Variants in NCAPG2 observed in about 807,000 individuals in gnomAD.
NCAPG2 encodes the protein non-SMC condensin II complex subunit G2, also known as condensin-2 complex subunit G2.
A neutral mutation model predicts 141.1 loss-of-function variants in NCAPG2; 53 were observed. That is an observed-to-expected ratio of 0.38 (90% CI 0.30 to 0.47). The LOEUF is 0.47. Among genes scored for constraint, NCAPG2 ranks in the 20% least tolerant of loss-of-function variants. NCAPG2 has a pLI of 0.99. For missense variants in NCAPG2, 1,087 were observed against 1,389.0 expected (o/e 0.78, Z 3.46); for synonymous variants, 499 against 490.7 (o/e 1.02, Z -0.22).
intron 2 of NCAPG2, among the ~76,000 whole-genome samples, chr7:158,693,826 G>A (rs1264889844): frequency 6.6e-6 from 1 of 152,124 alleles, no homozygotes; most frequent in East Asian, 1.9e-4. Context: ...TAATACTGTG[G>A]CCACAGATTC....
rs755725541 is a variant in NCAPG2 at position 158,631,660 on chromosome 7, G to A, written c.*6C>T. The A allele has an allele frequency of 3.8e-6, 6 of 1,583,502 alleles. No homozygotes were observed. Among genetic ancestry groups the A allele is most frequent in the East Asian group, 4.5e-5 (2 of 44,678 alleles). On this transcript the variant is annotated 3_prime_UTR_variant, in exon 28 of 28. Transcript: ENST00000356309. ...TATTTTTACATGTCTGGAGATGTTG[G>A]CTTGGTTATGAATTCAAAAGTTCTC...
At chr7:158,656,728 C>T (rs575172080) in intron 17 of NCAPG2, 23 bp from the exon 18 acceptor site, 12 of 1,609,912 alleles carry the variant, frequency 7.5e-6, no homozygotes, top group South Asian at 6.6e-5. Context: ...GACGGAAAAT[C>T]GGACTGAGTA....
intron 2 of NCAPG2, among the ~76,000 whole-genome samples, chr7:158,696,909 T>C (rs573531817): frequency 1.5e-4 from 23 of 152,326 alleles, no homozygotes; most frequent in African/African-American, 5.5e-4. Context: ...AAACCACATA[T>C]ATGAGAGTGG....
At chr7:158,660,563 C>T (rs1259770560) in intron 16 of NCAPG2, among the ~76,000 whole-genome samples, 1 of 151,946 alleles carries the variant, frequency 6.6e-6, no homozygotes, top group Non-Finnish European at 1.5e-5. Context: ...CCAAAAGGCA[C>T]AGGCCATCAA....
chr7:158,647,891 C>T (rs1438706929), intron 24 of NCAPG2, among the ~76,000 whole-genome samples: 2 of 152,036 alleles, frequency 1.3e-5, no homozygotes, highest in Admixed American at 6.6e-5. Flanking sequence ...CACCATGTTG[C>T]CTAGGTTGGC....
Position 158,662,355 on chromosome 7 carries a change from T to C in NCAPG2, c.1828A>G (p.Thr610Ala), listed in dbSNP as rs754764148. The change falls in exon 16 of 28, where the codon ACA becomes GCA. Residue 610 changes from threonine (T) to alanine (A), a missense_variant. By Grantham distance (58) the Thr-to-Ala change is moderately conservative. Coordinates refer to ENST00000356309, the MANE Select transcript of NCAPG2 (RefSeq NM_017760.7). ...EKENVTVLDK[T>A]LSVNDVACMA... The stretch of plus-strand genomic sequence containing the variant: ...CATGCAACATCGTTTACTGACAGTG[T>C]TTTGTCCAGAACCTAAGATAAAAAT... 1 of 1,580,798 alleles carries C rather than the reference T, an allele frequency of 6.3e-7. No homozygotes were observed. Among genetic ancestry groups the C allele is most frequent in the Non-Finnish European group, 8.6e-7 (1 of 1,165,384 alleles).
chr7:158,636,164 T>G (rs535920307), intron 27 of NCAPG2, among the ~76,000 whole-genome samples: 4 of 152,260 alleles, frequency 2.6e-5, no homozygotes, highest in South Asian at 2.1e-4. Flanking sequence ...AACAAAACGC[T>G]CCATCCCCAG....
intron 2 of NCAPG2, 87 bp from the exon 3 acceptor site, chr7:158,693,584 G>C: frequency 7.8e-6 from 9 of 1,158,818 alleles, no homozygotes; most frequent in East Asian, 2.5e-5. Flanking sequence ...AAAGTTAAGT[G>C]TTAACTTCAT....
intron 2 of NCAPG2, among the ~76,000 whole-genome samples, chr7:158,695,889 C>A (rs762721068): frequency 6.6e-6 from 1 of 152,234 alleles, no homozygotes; most frequent in South Asian, 2.1e-4. Flanking sequence ...CTGTACAGAG[C>A]GCACCAGGAT....
Position 158,664,684 on chromosome 7 carries a change from G to T in NCAPG2, c.1546C>A (p.Arg516=). The T allele has an allele frequency of 1.2e-6, 2 of 1,614,140 alleles. No individual in the cohort carries two copies. Among genetic ancestry groups the T allele is most frequent in the Non-Finnish European group, 1.7e-6 (2 of 1,180,026 alleles). Residue 516 remains arginine (R), a synonymous_variant, in exon 14 of 28, where the codon CGG becomes AGG. Coordinates refer to ENST00000356309, the MANE Select transcript of NCAPG2 (RefSeq NM_017760.7). ...TTAAAGATGAGGCTCACCAGGCGCC[G>T]AGACACAGGTCGAGAATCAGTTTCC... ...RLETDSRPVS[R]RLVSLIFNSF... is the part of the protein sequence containing the mutation.
At chr7:158,653,569 C>T (rs1451200316) in intron 22 of NCAPG2, among the ~76,000 whole-genome samples, 2 of 152,046 alleles carry the variant, frequency 1.3e-5, no homozygotes, top group Non-Finnish European at 2.9e-5. Flanking sequence ...TCAGTTGCAA[C>T]GTCATGAAGA....
chr7:158,678,180 A>C (rs1416110346), intron 11 of NCAPG2, among the ~76,000 whole-genome samples: 2 of 152,186 alleles, frequency 1.3e-5, no homozygotes, highest in Non-Finnish European at 1.5e-5. Context: ...GCATGAGAGA[A>C]CAGTTAAGGT....
At chr7:158,640,990 C>G (rs1830605185) in intron 27 of NCAPG2, 1 of 151,862 alleles carries the variant, frequency 6.6e-6, no homozygotes, top group South Asian at 2.1e-4. Flanking sequence ...ACCACCCTAC[C>G]TGCAAAGTGG....
intron 24 of NCAPG2, among the ~76,000 whole-genome samples, chr7:158,647,054 G>C (rs984420509): frequency 6.6e-6 from 1 of 151,420 alleles, no homozygotes; most frequent in Non-Finnish European, 1.5e-5. Context: ...AAAGATAAAC[G>C]AAAGTGTTTA....
chr7:158,685,677 T>C (rs774196206), intron 8 of NCAPG2, among the ~76,000 whole-genome samples: 50 of 152,158 alleles, frequency 3.3e-4, no homozygotes, highest in Non-Finnish European at 5.4e-4. Flanking sequence ...ACATGTTAAG[T>C]ACAATGCATT....
intron 19 of NCAPG2, among the ~76,000 whole-genome samples, chr7:158,655,880 T>C (rs1276877077): frequency 6.6e-6 from 1 of 152,192 alleles, no homozygotes; most frequent in Non-Finnish European, 1.5e-5. Context: ...CATGATGGGT[T>C]CCCAGGAAAT....
At chr7:158,655,727 C>T (rs1831900521) in intron 19 of NCAPG2, among the ~76,000 whole-genome samples, 1 of 152,308 alleles carries the variant, frequency 6.6e-6, no homozygotes, top group Non-Finnish European at 1.5e-5. Flanking sequence ...TGACCAGGCC[C>T]CGTCCTCCCC....
intron 22 of NCAPG2, among the ~76,000 whole-genome samples, chr7:158,653,369 A>G (rs1248881932): frequency 2.2e-5 from 2 of 91,514 alleles, no homozygotes; most frequent in African/African-American, 7.0e-5. Context: ...GGTCTCAAAA[A>G]AAAAAAAATA....
rs149537850 is a variant in NCAPG2, at chr7:158,660,279, G to A, written c.1990-1871C>T. ...AACTGAATCCCAAGACCCTCTAAGG[G>A]TTTCAAATACCCCAAGGCCACAACT... On this transcript the variant is annotated intron_variant, in intron 16 of 27. Transcript: ENST00000356309. Among the ~76,000 whole-genome samples the A allele has an allele frequency of 3.8e-4, 57 of 151,804 alleles. No individual in the cohort carries two copies. In the East Asian group the frequency reaches 9.7e-3, roughly 26 times the overall value.
Sources: gnomAD v4.1 joint callset for allele counts (sites outside exome capture counted in the v4.1 genomes callset) on GRCh38, gnomAD v4.1.1 for gene constraint, MANE v1.5 for transcripts, NCBI Gene and HGNC (gene_info 2026-07-23, HGNC 2026-07-21) for gene names.